SCCPDH: variants seen among roughly 807,000 people sequenced by gnomAD.
SCCPDH encodes the protein saccharopine dehydrogenase (putative), also known as saccharopine dehydrogenase-like oxidoreductase.
SCCPDH carries 34 observed loss-of-function variants against 51.5 expected under a neutral mutation model. The ratio of observed to expected loss-of-function variants is 0.66; its 90% confidence interval spans 0.50 to 0.88. SCCPDH has a LOEUF of 0.88. Ranked by LOEUF, SCCPDH falls within the 40% of genes least tolerant of loss-of-function variation. The pLI is 0.00. For missense variants in SCCPDH, 464 were observed against 527.1 expected, an observed-to-expected ratio of 0.88 and a Z score of 1.17; for synonymous variants, 187 against 191.3, an observed-to-expected ratio of 0.98 and a Z score of 0.19.
rs545634781 is a variant in SCCPDH, at chr1:246,762,082, T to A, written c.990+1855T>A. On this transcript the variant is annotated intron_variant, in intron 9 of 11. Coordinates refer to ENST00000366510, the MANE Select transcript of SCCPDH (RefSeq NM_016002.3). ...ATTTTCTGTAATGGCCGTGAGGTGG[T>A]GTCTCATTGTATTTTTGATTTGCAT... Among the ~76,000 whole-genome samples, 93 of 152,322 alleles carry A rather than the reference T, an allele frequency of 6.1e-4. 1 individual carries two copies. The highest frequency in any genetic ancestry group is 1.0e-3 in the Non-Finnish European group (69 of 68,022).
chr1:246,752,269 G>A, intron 5 of SCCPDH, among the ~76,000 whole-genome samples: 1 of 152,150 alleles, frequency 6.6e-6, no homozygotes, highest in Non-Finnish European at 1.5e-5. Flanking sequence ...TTATGTGCTA[G>A]GTGTAGAGCC....
At chr1:246,738,504 C>A (rs1369162160) in intron 3 of SCCPDH, among the ~76,000 whole-genome samples, 2 of 149,688 alleles carry the variant, frequency 1.3e-5, no homozygotes, top group Non-Finnish European at 1.5e-5. Context: ...AGTGGGACTC[C>A]GTCTCAAAAA....
chr1:246,724,682 C>T, intron 1 of SCCPDH, 70 bp downstream of exon 1: 1 of 1,337,656 alleles, frequency 7.5e-7, no homozygotes, highest in Non-Finnish European at 9.7e-7. Context: ...CCCAAACGAG[C>T]GTTTCTCCCG....
chr1:246,740,908 C>G (rs1480920924), intron 4 of SCCPDH, among the ~76,000 whole-genome samples: 1 of 151,840 alleles, frequency 6.6e-6, no homozygotes, highest in African/African-American at 2.4e-5. Flanking sequence ...TAGTAAGACT[C>G]GTCCCTAAGA....
chr1:246,764,280 G>A lies in SCCPDH; in HGVS notation c.1025G>A (p.Gly342Asp), dbSNP rs759984760. The A allele has an allele frequency of 6.2e-7, 1 of 1,613,806 alleles. No homozygotes were observed. The highest frequency in any genetic ancestry group is 1.1e-5 in the South Asian group (1 of 91,008). ...DAASFTLTFF[G>D]QGYSQGTGTD... is the part of the protein sequence containing the mutation. Reference sequence around the variant, plus strand: ...GCCTCATTCACGCTGACATTCTTTGGTCAAGGATACAGCCAAGGCACTGGT... The same window carrying A: ...GCCTCATTCACGCTGACATTCTTTGATCAAGGATACAGCCAAGGCACTGGT... Residue 342 changes from glycine to aspartate, a missense_variant, in exon 10 of 12, where the codon GGT becomes GAT. By Grantham distance (94) the Gly-to-Asp change is moderately conservative (BLOSUM62 -1). Transcript: ENST00000366510.
At chr1:246,761,028 A>G (rs1669004583) in intron 9 of SCCPDH, among the ~76,000 whole-genome samples, 1 of 152,086 alleles carries the variant, frequency 6.6e-6, no homozygotes, top group African/African-American at 2.4e-5. Flanking sequence ...CAGACCTATC[A>G]TCATTGTTCC....
chr1:246,759,026 T>C lies in SCCPDH; in HGVS notation c.696-8T>C, dbSNP rs1236800780. The C allele has an allele frequency of 6.9e-7, 1 of 1,451,344 alleles. No homozygotes were observed. The allele number at this position is 1,451,344 out of a possible 1,614,324, so 89.9% of individuals were successfully genotyped here. ...GAAATGCAAAATATTCATAGGTCTGTCTTGCAGGTGGCCAATTTCTTATTG... is the reference window on the plus strand; with the variant it reads ...GAAATGCAAAATATTCATAGGTCTGCCTTGCAGGTGGCCAATTTCTTATTG... On this transcript the variant is annotated splice_polypyrimidine_tract_variant and splice_region_variant and intron_variant, in intron 6 of 11. Coordinates refer to ENST00000366510, the MANE Select transcript of SCCPDH (RefSeq NM_016002.3).
intron 9 of SCCPDH, among the ~76,000 whole-genome samples, chr1:246,760,515 GT>G (rs1668996729): frequency 6.6e-6 from 1 of 152,088 alleles, no homozygotes; most frequent in Admixed American, 6.6e-5. Context: ...CAGAAATTGT[GT>G]TCTCTTCACT....
At chr1:246,765,907 G>A (rs574885715) in intron 10 of SCCPDH, 151 bp from the exon 11 acceptor site, 245 of 597,418 alleles carry the variant, frequency 4.1e-4, no homozygotes, top group Non-Finnish European at 6.8e-4. Flanking sequence ...AAATACTTTC[G>A]ATATGTTATT....
rs1668657213 is a variant in SCCPDH at position 246,740,208 on chromosome 1, G to C, written c.421G>C (p.Ala141Pro). 6.2e-7 allele frequency: 1 copy of C among 1,605,198 alleles called. No homozygotes were observed. Among genetic ancestry groups the C allele is most frequent in the Non-Finnish European group, 8.5e-7 (1 of 1,173,784 alleles). ...ELMQLKYHEK[A>P]ADKGVYIIGS... ...AATGCAACTGAAGTATCATGAGAAA[G>C]CTGCAGACAAAGGGGTTTATATCAT... Residue 141 changes from alanine (A) to proline (P), a missense_variant, in exon 4 of 12, where the codon GCT becomes CCT. Transcript: ENST00000366510.
At chr1:246,764,785 T>G (rs1050423153) in intron 10 of SCCPDH, among the ~76,000 whole-genome samples, 3 of 152,260 alleles carry the variant, frequency 2.0e-5, no homozygotes, top group African/African-American at 7.2e-5. Context: ...GGGAATGGCT[T>G]CTGATAGGTT....
intron 5 of SCCPDH, among the ~76,000 whole-genome samples, chr1:246,756,955 G>A (rs1334804523): frequency 6.6e-6 from 1 of 152,132 alleles, no homozygotes; most frequent in Non-Finnish European, 1.5e-5. Context: ...AACATAGAAG[G>A]AAGGACATAA....
Position 246,744,111 on chromosome 1 carries a change from C to T in SCCPDH, c.550C>T (p.His184Tyr). 2 of 1,599,672 alleles carry T rather than the reference C, an allele frequency of 1.3e-6. No homozygotes were observed. The highest frequency in any genetic ancestry group is 1.7e-5 in the Admixed American group (1 of 58,870). The change falls in exon 5 of 12, where the codon CAT (histidine) becomes TAT (tyrosine). Residue 184 changes from histidine to tyrosine, a missense_variant. His to Tyr is a moderately conservative substitution (Grantham distance 83). Coordinates refer to ENST00000366510, the MANE Select transcript of SCCPDH (RefSeq NM_016002.3). ...TGCTGTGGAAAGTTTCCTGACTATA[C>T]ATTCAGGACCTGAGGTTGGTTTTTT... The part of the protein sequence containing the change: ...LTAVESFLTI[H>Y]SGPEGLSIHD...
chr1:246,752,471 A>ATTTT (rs149755841), intron 5 of SCCPDH, among the ~76,000 whole-genome samples: 3,640 of 152,314 alleles, frequency 0.024, 60 homozygotes, highest in Non-Finnish European at 0.035. Flanking sequence ...TACAGGCAGA[A>ATTTT]TTTGAGTGTT....
chr1:246,764,589 GAAT>G (rs948300572), intron 10 of SCCPDH, among the ~76,000 whole-genome samples: 2 of 152,182 alleles, frequency 1.3e-5, no homozygotes, highest in African/African-American at 4.8e-5. Context: ...CAGTAATTCA[GAAT>G]GGCAAATTTT....
rs1669085055 is a variant in SCCPDH, at chr1:246,766,162, TAGA to T, written c.1184+27_1184+29del. The T allele has an allele frequency of 2.7e-6, 4 of 1,509,384 alleles. No individual in the cohort carries two copies. In the East Asian group the frequency reaches 9.0e-5, roughly 34 times the overall value. The allele number at this position is 1,509,384 out of a possible 1,614,324, so 93.5% of individuals were successfully genotyped here. ...GGCGTAAGTTTGGTTTTCTTCCAAT[TAGA>T]AGATCTTTTTTATCTATGTTATATT... On this transcript the variant is annotated intron_variant, in intron 11 of 11. Coordinates refer to ENST00000366510, the MANE Select transcript of SCCPDH (RefSeq NM_016002.3).
intron 5 of SCCPDH, among the ~76,000 whole-genome samples, 160 bp downstream of exon 5, chr1:246,744,285 A>G (rs543099250): frequency 6.6e-6 from 1 of 152,034 alleles, no homozygotes; most frequent in East Asian, 1.9e-4. Flanking sequence ...GACTTGAAAT[A>G]TACTTTATTT....
chr1:246,746,130 A>AAAAAAAG (rs1558170611), intron 5 of SCCPDH, among the ~76,000 whole-genome samples: 1 of 131,370 alleles, frequency 7.6e-6, no homozygotes. Context: ...AAAAAAAAAA[A>AAAAAAAG]AAGAAGGAAG....
chr1:246,724,720 C>G, intron 1 of SCCPDH, 108 bp downstream of exon 1: 1 of 1,012,984 alleles, frequency 9.9e-7, no homozygotes, highest in Non-Finnish European at 1.4e-6. Context: ...TGTCCCCGAG[C>G]CCTGCGTGAG....
Sources: allele counts gnomAD v4.1 joint callset (sites outside exome capture counted in the v4.1 genomes callset), GRCh38; gene constraint gnomAD v4.1.1; transcripts MANE v1.5; gene names NCBI Gene and HGNC (gene_info 2026-07-23, HGNC 2026-07-21).